The following LAMA1 variants were observed in gnomAD, a reference collection of about 807,000 sequenced individuals.
The protein encoded by LAMA1 is laminin subunit alpha 1.
LAMA1 carries 219 observed loss-of-function variants against 348.7 expected under a neutral mutation model. The observed-to-expected ratio is 0.63, with a 90% confidence interval of 0.56 to 0.70. The LOEUF is 0.70. Among genes scored for constraint, LAMA1 ranks in the 30% least tolerant of loss-of-function variants. The pLI is 0.00. For synonymous variants in LAMA1, 1,487 were observed against 1,491.0 expected (o/e 1.00, Z 0.06); for missense variants, 3,744 against 3,888.0 (o/e 0.96, Z 0.99).
intron 7 of LAMA1, among the ~76,000 whole-genome samples, chr18:7,043,802 T>TA (rs1418795289): frequency 2.0e-5 from 3 of 152,200 alleles, no homozygotes; most frequent in Non-Finnish European, 2.9e-5. Flanking sequence ...CAACTGTTTT[T>TA]AAAAACAGCA....
intron 29 of LAMA1, among the ~76,000 whole-genome samples, chr18:7,002,829 G>A (rs2057813947): frequency 6.6e-6 from 1 of 152,044 alleles, no homozygotes; most frequent in African/African-American, 2.4e-5. Context: ...TGGTTTTAGA[G>A]CACCACTGAT....
At position 6,978,395 on chromosome 18, in the gene LAMA1, T is replaced by C. The variant is rs2057692964; in HGVS notation, c.6008-17A>G. On this transcript the variant is annotated splice_polypyrimidine_tract_variant and intron_variant, in intron 42 of 62. Transcript: ENST00000389658. ...CTCTTATACCTAAAATAAATGTATATAAAAGCATGCACTTCTGGTGCTTAC... is the reference window on the plus strand; with the variant it reads ...CTCTTATACCTAAAATAAATGTATACAAAAGCATGCACTTCTGGTGCTTAC... The C allele has an allele frequency of 6.2e-7, 1 of 1,609,624 alleles. No homozygotes were observed. The highest frequency in any genetic ancestry group is 8.5e-7 in the Non-Finnish European group (1 of 1,176,622).
At chr18:7,007,297 G>A (rs1203239672) in intron 28 of LAMA1, 21 bp from the exon 29 acceptor site, 6 of 1,606,818 alleles carry the variant, frequency 3.7e-6, no homozygotes, top group Middle Eastern at 3.3e-4. Context: ...GCAAAAGGGA[G>A]GACAAAAAAG....
rs780833034 is a variant in LAMA1 at position 7,043,421 on chromosome 18, T to G, written c.977-16A>C. 1.9e-6 allele frequency: 3 copies of G among 1,605,426 alleles called. No individual in the cohort carries two copies. Among genetic ancestry groups the G allele is most frequent in the Non-Finnish European group, 2.6e-6 (3 of 1,175,130 alleles). On this transcript the variant is annotated splice_polypyrimidine_tract_variant and intron_variant, in intron 7 of 62. Coordinates refer to ENST00000389658, the MANE Select transcript of LAMA1 (RefSeq NM_005559.4). ...CAATTACATGCTAGGAGAATATTTTTAACATCTCAATTAATTTACATAGCA... is the reference window on the plus strand; with the variant it reads ...CAATTACATGCTAGGAGAATATTTTGAACATCTCAATTAATTTACATAGCA...
At chr18:6,944,195 T>C (rs1277221376) in intron 61 of LAMA1, among the ~76,000 whole-genome samples, 2 of 152,174 alleles carry the variant, frequency 1.3e-5, no homozygotes, top group Non-Finnish European at 2.9e-5. Context: ...TTTGTATTTT[T>C]AGTAGAGACA....
chr18:7,023,247 C>A lies in LAMA1; in HGVS notation c.2618G>T (p.Cys873Phe). ...CDSVTGECLK[C>F]LGNTDGAHCE... ...GTGGGCGCCATCTGTGTTCCCCAGG[C>A]ACTTCAGGCACTCCCCGGTGACTGA... is the stretch of plus-strand genomic sequence containing the variant. The change falls in exon 19 of 63, where the codon TGC (cysteine) becomes TTC (phenylalanine). Residue 873 changes from cysteine (C) to phenylalanine (F), a missense_variant. Cys to Phe is a radical substitution (Grantham distance 205). This residue lies in a region of LAMA1 where 1,529 missense variants were observed against 1,689.4 expected (regional missense o/e 0.91). Transcript: ENST00000389658. 6.2e-7 allele frequency: 1 copy of A among 1,614,072 alleles called. No homozygotes were observed. The highest frequency in any genetic ancestry group is 8.5e-7 in the Non-Finnish European group (1 of 1,180,028).
chr18:7,105,046 C>T (rs190940609), intron 1 of LAMA1, among the ~76,000 whole-genome samples: 10 of 152,226 alleles, frequency 6.6e-5, no homozygotes, highest in African/African-American at 2.2e-4. Context: ...AGGAAAATGG[C>T]TCGTTTTGTT....
intron 44 of LAMA1, 37 bp downstream of exon 44, chr18:6,977,690 G>C (rs750023689): frequency 1.9e-6 from 3 of 1,613,054 alleles, no homozygotes; most frequent in Admixed American, 1.7e-5. Flanking sequence ...ACATGACTGA[G>C]AGCCCAGTTA....
intron 55 of LAMA1, among the ~76,000 whole-genome samples, chr18:6,957,905 G>C (rs369467999): frequency 0.019 from 2,897 of 151,976 alleles, 82 homozygotes; most frequent in African/African-American, 0.066. Context: ...CTCAGCCTCC[G>C]GAGTAGCTGG....
In LAMA1 at chr18:7,013,687, T is replaced by C. The variant is rs887318387; in HGVS notation, c.3363+128A>G. The C allele has an allele frequency of 1.1e-4, 88 of 817,986 alleles. No individual in the cohort carries two copies. In the East Asian group the frequency reaches 1.9e-3, roughly 17 times the overall value. The allele number at this position is 817,986 out of a possible 1,614,324, so 50.7% of individuals were successfully genotyped here. On this transcript the variant is annotated intron_variant, in intron 23 of 62. Transcript: ENST00000389658. ...GAGCATAAGAGACTTTGAACTCAGA[T>C]GCGGAAGGGAGTGTGAACTCACTAG...
At chr18:6,982,340 G>A (rs1445920706) in intron 41 of LAMA1, among the ~76,000 whole-genome samples, 157 bp downstream of exon 41, 2 of 152,190 alleles carry the variant, frequency 1.3e-5, no homozygotes, top group East Asian at 1.9e-4. Context: ...AAGTTTATAC[G>A]ATAGGAAAAT....
intron 56 of LAMA1, chr18:6,956,256 A>G (rs573031797): frequency 9.7e-5 from 34 of 348,776 alleles, no homozygotes; most frequent in African/African-American, 7.1e-4. Context: ...TTCCTAATGA[A>G]TTGAATCTTT....
chr18:7,039,885 C>A (rs563407628), intron 10 of LAMA1, among the ~76,000 whole-genome samples, 191 bp downstream of exon 10: 1 of 152,236 alleles, frequency 6.6e-6, no homozygotes, highest in East Asian at 1.9e-4. Context: ...AAAAAAGAAG[C>A]CAGATGCCCA....
chr18:7,000,897 T>C (rs913099267), intron 30 of LAMA1, among the ~76,000 whole-genome samples: 2 of 152,234 alleles, frequency 1.3e-5, no homozygotes, highest in Non-Finnish European at 2.9e-5. Context: ...GCGTGTGTTT[T>C]AGGGCATCTG....
intron 16 of LAMA1, among the ~76,000 whole-genome samples, chr18:7,031,058 A>T (rs2057967024): frequency 6.6e-6 from 1 of 152,194 alleles, no homozygotes; most frequent in Non-Finnish European, 1.5e-5. Context: ...TACTTACAGA[A>T]TAAAGAAAAA....
intron 1 of LAMA1, among the ~76,000 whole-genome samples, chr18:7,116,508 G>C (rs371152718): frequency 6.6e-6 from 1 of 152,202 alleles, no homozygotes; most frequent in African/African-American, 2.4e-5. Context: ...TGAGATGGTC[G>C]CGTTTCTGCA....
chr18:6,968,532 C>T (rs770030389), intron 48 of LAMA1, among the ~76,000 whole-genome samples: 46 of 152,180 alleles, frequency 3.0e-4, no homozygotes, highest in Non-Finnish European at 6.5e-4. Context: ...TAGCAGAGGG[C>T]CCGGAACGCA....
intron 32 of LAMA1, among the ~76,000 whole-genome samples, chr18:6,998,635 C>A (rs954734843): frequency 1.3e-5 from 2 of 152,230 alleles, no homozygotes; most frequent in East Asian, 1.9e-4. Flanking sequence ...ATGGTCCTAA[C>A]AGGCCTCCCT....
chr18:7,068,632 G>A (rs1352256308), intron 3 of LAMA1, among the ~76,000 whole-genome samples: 1 of 152,120 alleles, frequency 6.6e-6, no homozygotes, highest in East Asian at 1.9e-4. Context: ...AATAAAGGAA[G>A]TTCTGTGTAG....
Sources: allele counts gnomAD v4.1 joint callset (sites outside exome capture counted in the v4.1 genomes callset), GRCh38; gene constraint gnomAD v4.1.1; regional missense constraint gnomAD v4.1.1; transcripts MANE v1.5; gene names NCBI Gene and HGNC (gene_info 2026-07-23, HGNC 2026-07-21).